The following PPM1A variants were observed in gnomAD, a reference collection of about 807,000 sequenced individuals.
PPM1A encodes protein phosphatase, Mg2+/Mn2+ dependent 1A, also known as protein phosphatase 1A.
A neutral mutation model predicts 35.0 loss-of-function variants in PPM1A; 7 were observed. The ratio of observed to expected loss-of-function variants is 0.20; its 90% CI spans 0.11 to 0.38. The LOEUF is 0.38. PPM1A is among the 10% of genes least tolerant of loss of function. The probability of loss-of-function intolerance (pLI) is 1.00; values close to 1 mark genes in which losing one functional copy is unlikely to be tolerated. For synonymous variants in PPM1A, 153 were observed against 167.3 expected (o/e 0.91, Z 0.66); for missense variants, 239 against 467.8 (o/e 0.51, Z 4.51).
chr14:60,257,574 C>T (rs765422015), intron 1 of PPM1A, among the ~76,000 whole-genome samples: 1 of 152,018 alleles, frequency 6.6e-6, no homozygotes, highest in Non-Finnish European at 1.5e-5. Context: ...CTTTAGGTGG[C>T]TTAATTATTT....
intron 5 of PPM1A, among the ~76,000 whole-genome samples, chr14:60,291,675 A>G (rs1887646724): frequency 6.6e-6 from 1 of 151,928 alleles, no homozygotes; most frequent in Non-Finnish European, 1.5e-5. Flanking sequence ...AAAAGAAGAA[A>G]GTCCTTTTGA....
rs1346786078 is a variant in PPM1A, at chr14:60,274,352, A to AT, written c.-20-8324dup. ...CCAGACAGCCTTTTGGAGCATCAAC[A>AT]TTTTTTTTAAGAAGTTTAACTGTAA... On this transcript the variant is annotated intron_variant, in intron 1 of 5. Coordinates refer to ENST00000395076, the MANE Select transcript of PPM1A (RefSeq NM_021003.5). Among the ~76,000 whole-genome samples the AT allele has an allele frequency of 4.6e-5, 7 of 152,022 alleles. 1 individual carries two copies. Among genetic ancestry groups the AT allele is most frequent in the East Asian group, 1.9e-4 (1 of 5,170 alleles).
At chr14:60,291,555 T>C in intron 5 of PPM1A, 101 bp downstream of exon 5, 2 of 858,492 alleles carry the variant, frequency 2.3e-6, no homozygotes, top group Non-Finnish European at 3.5e-6. Context: ...ACCCATTCTC[T>C]TACACACACC....
rs2139610599 is a variant in PPM1A at position 60,294,804 on chromosome 14, A to G, written c.*2322A>G. 1 of 151,874 alleles carries G rather than the reference A, an allele frequency of 6.6e-6. No homozygotes were observed. The highest frequency in any genetic ancestry group is 2.1e-4 in the South Asian group (1 of 4,816). 9.4% of individuals were successfully genotyped at this position (151,874 alleles called of 1,614,324 possible). On this transcript the variant is annotated 3_prime_UTR_variant, in exon 6 of 6. Coordinates refer to ENST00000395076, the MANE Select transcript of PPM1A (RefSeq NM_021003.5). ...AAATTAGGCTTGGACACGAGAGAGA[A>G]CCGTATTTGAGTGATGTGAGAAGAC... is the stretch of plus-strand genomic sequence containing the variant.
chr14:60,289,827 A>G lies in PPM1A; in HGVS notation c.974A>G (p.Glu325Gly). The change falls in exon 4 of 6, where the codon GAA becomes GGA. Residue 325 changes from glutamate (E) to glycine (G), a missense_variant. Around this residue, in one of 2 missense-constraint regions of PPM1A, gnomAD observed 64 missense variants for 78.6 expected, o/e 0.81. Transcript: ENST00000395076. The surrounding 1 kb of genome is among the most constrained non-coding windows in gnomAD (Gnocchi z 4.1). Reference protein sequence around the residue: ...RVEEIIKKQGEGVPDLVHVMR... With the variant: ...RVEEIIKKQGGGVPDLVHVMR... ...CCAGAAATCATAAAGAAGCAGGGGG[A>G]AGGCGTCCCCGACTTAGTCCATGTG... The G allele has an allele frequency of 1.9e-6, 3 of 1,607,478 alleles. No homozygotes were observed. The highest frequency in any genetic ancestry group is 8.5e-7 in the Non-Finnish European group (1 of 1,177,126).
At position 60,249,788 on chromosome 14, in the gene PPM1A, C is replaced by T; in HGVS notation, c.-21+111C>T. 1 of 673,154 alleles carries T rather than the reference C, an allele frequency of 1.5e-6. No individual in the cohort carries two copies. Among genetic ancestry groups the T allele is most frequent in the African/African-American group, 2.0e-5 (1 of 51,186 alleles). The allele number at this position is 673,154 out of a possible 1,614,324, so 41.7% of individuals were successfully genotyped here. A position where few individuals can be genotyped will look rare whatever the true frequency, so the allele number is the denominator to read the frequency against. The stretch of plus-strand genomic sequence containing the variant: ...AACAAGCCGGGCGTCTGCCCGGGCG[C>T]TCCCGGGAGGAGACGCGACAACTCC... On this transcript the variant is annotated intron_variant, in intron 1 of 5. Transcript: ENST00000395076. This position sits in a 1 kb window ranked among gnomAD's most constrained non-coding sequence, Gnocchi z 4.5.
chr14:60,288,588 A>G (rs1396398974), intron 3 of PPM1A: 1 of 971,104 alleles, frequency 1.0e-6, no homozygotes, highest in East Asian at 1.1e-4. Flanking sequence ...CAGATTTAAG[A>G]CTGTTTTTTT....
chr14:60,283,448 G>C lies in PPM1A; in HGVS notation c.745G>C (p.Glu249Gln). 6.2e-7 allele frequency: 1 copy of C among 1,614,118 alleles called. No homozygotes were observed. The highest frequency in any genetic ancestry group is 1.1e-5 in the South Asian group (1 of 91,072). The part of the protein sequence containing the change: ...DGIWDVMGNE[E>Q]LCDFVRSRLE... Reference sequence around the variant, plus strand: ...TATCTGGGATGTTATGGGAAATGAAGAGCTCTGTGATTTTGTAAGATCCAG... The same window carrying C: ...TATCTGGGATGTTATGGGAAATGAACAGCTCTGTGATTTTGTAAGATCCAG... The change falls in exon 2 of 6, where the codon GAG becomes CAG. Residue 249 changes from glutamate (E) to glutamine (Q), a missense_variant. Around this residue, in one of 2 missense-constraint regions of PPM1A, gnomAD observed 175 missense variants for 389.2 expected, o/e 0.45. Transcript: ENST00000395076. This position sits in a 1 kb window ranked among gnomAD's most constrained non-coding sequence, Gnocchi z 6.3.
chr14:60,263,856 TG>T (rs1314119932), intron 1 of PPM1A, among the ~76,000 whole-genome samples: 1 of 152,164 alleles, frequency 6.6e-6, no homozygotes, highest in African/African-American at 2.4e-5. Context: ...TAAGGTAGTT[TG>T]TTTCTTTCTG....
At chr14:60,256,798 C>T (rs1302906066) in intron 1 of PPM1A, 1 of 152,184 alleles carries the variant, frequency 6.6e-6, no homozygotes, top group Non-Finnish European at 1.5e-5. Context: ...TAACAGAAGC[C>T]TAATACATGT....
intron 1 of PPM1A, among the ~76,000 whole-genome samples, chr14:60,264,074 A>G (rs1251320504): frequency 6.6e-6 from 1 of 151,674 alleles, no homozygotes; most frequent in Non-Finnish European, 1.5e-5. Context: ...CTCTGAGTCC[A>G]CTTTTCTTCT....
intron 1 of PPM1A, among the ~76,000 whole-genome samples, chr14:60,267,720 A>G (rs550882179): frequency 2.0e-4 from 31 of 152,282 alleles, no homozygotes. Flanking sequence ...AGAACAATCC[A>G]AATTTAAAAT....
At chr14:60,248,042 T>G (rs1264462711), upstream of PPM1A, among the ~76,000 whole-genome samples, 2 of 152,014 alleles carry the variant, frequency 1.3e-5, no homozygotes, top group African/African-American at 4.8e-5. Context: ...ATTCGTGAAC[T>G]GGTTAAGCCG....
rs950349170 is a variant in PPM1A, at chr14:60,286,139, TATTA to T, written c.952+402_952+405del. The T allele has an allele frequency of 5.1e-6, 5 of 985,842 alleles. No individual in the cohort carries two copies. In the African/African-American group the frequency reaches 8.7e-5, roughly 17 times the overall value. 61.1% of individuals were successfully genotyped at this position (985,842 alleles called of 1,614,324 possible). A position where few individuals can be genotyped will look rare whatever the true frequency, so the allele number is the denominator to read the frequency against. On this transcript the variant is annotated intron_variant, in intron 3 of 5. Transcript: ENST00000395076. ...CCATCTTTCTATGAAAAGCTGTGTA[TATTA>T]ATTTTAATCTCTAGGGCCTTTTTTC...
At chr14:60,277,117 A>G (rs1182502064) in intron 1 of PPM1A, 4 of 988,014 alleles carry the variant, frequency 4.0e-6, no homozygotes, top group Non-Finnish European at 5.2e-6. Flanking sequence ...TCTCTCAGAA[A>G]CTAACTAAAA....
At position 60,294,819 on chromosome 14, in the gene PPM1A, T is replaced by A. The variant is rs934865840; in HGVS notation, c.*2337T>A. 1.3e-5 allele frequency: 2 copies of A among 151,830 alleles called. No individual in the cohort carries two copies. The highest frequency in any genetic ancestry group is 2.4e-5 in the African/African-American group (1 of 41,414). The allele number at this position is 151,830 out of a possible 1,614,324, so 9.4% of individuals were successfully genotyped here. A position where few individuals can be genotyped will look rare whatever the true frequency, so the allele number is the denominator to read the frequency against. On this transcript the variant is annotated 3_prime_UTR_variant, in exon 6 of 6. Transcript: ENST00000395076. ...ACGAGAGAGAACCGTATTTGAGTGA[T>A]GTGAGAAGACTAAATCTTTTCCACA...
intron 1 of PPM1A, among the ~76,000 whole-genome samples, chr14:60,280,585 T>C (rs890381793): frequency 3.9e-5 from 6 of 152,230 alleles, no homozygotes; most frequent in African/African-American, 1.4e-4. Context: ...GAGTCTTTCC[T>C]CTGTAAAACT....
intron 1 of PPM1A, among the ~76,000 whole-genome samples, chr14:60,269,461 T>C (rs1884818086): frequency 6.6e-6 from 1 of 152,234 alleles, no homozygotes; most frequent in Non-Finnish European, 1.5e-5. Context: ...TCAACGTTTA[T>C]AGGCATTACT....
At chr14:60,280,811 C>G (rs1251254106) in intron 1 of PPM1A, among the ~76,000 whole-genome samples, 3 of 152,198 alleles carry the variant, frequency 2.0e-5, no homozygotes, top group Non-Finnish European at 4.4e-5. Context: ...AGGTTCCAAC[C>G]CTACCCTGGA....
Sources: allele counts gnomAD v4.1 joint callset (sites outside exome capture counted in the v4.1 genomes callset), GRCh38; gene constraint gnomAD v4.1.1; regional missense constraint gnomAD v4.1.1; non-coding constraint Gnocchi (gnomAD v3.1); transcripts MANE v1.5; gene names NCBI Gene and HGNC (gene_info 2026-07-23, HGNC 2026-07-21).